SLCO6A1: variants seen among roughly 807,000 people sequenced by gnomAD.
SLCO6A1 encodes the protein cancer/testis antigen 48.
Under a neutral mutation model 72.7 loss-of-function variants are expected in SLCO6A1, and 65 were observed. The observed-to-expected ratio is 0.89, with a 90% confidence interval of 0.73 to 1.10. The LOEUF (loss-of-function observed/expected upper bound fraction) is 1.10, where lower values mean the gene tolerates loss of function less well. Among genes scored for constraint, SLCO6A1 ranks in the 50% least tolerant of loss-of-function variants. SLCO6A1 has a pLI of 0.00. For missense variants in SLCO6A1, 874 were observed against 872.6 expected, an observed-to-expected ratio of 1.00 and a Z score of -0.02; for synonymous variants, 314 against 298.2, an observed-to-expected ratio of 1.05 and a Z score of -0.55.
intron 1 of SLCO6A1, among the ~76,000 whole-genome samples, chr5:102,488,584 G>A (rs947698954): frequency 1.3e-5 from 2 of 152,184 alleles, no homozygotes; most frequent in African/African-American, 4.8e-5. Flanking sequence ...AGCATAAAGA[G>A]CTAACTAAGC....
At chr5:102,405,301 G>A (rs1430848119) in intron 9 of SLCO6A1, among the ~76,000 whole-genome samples, 3 of 151,800 alleles carry the variant, frequency 2.0e-5, no homozygotes, top group Admixed American at 6.6e-5. Context: ...CCCAAATTTG[G>A]TGAAAATATA....
At chr5:102,484,224 A>G (rs1484633221) in intron 1 of SLCO6A1, among the ~76,000 whole-genome samples, 4 of 152,316 alleles carry the variant, frequency 2.6e-5, no homozygotes, top group Non-Finnish European at 4.4e-5. Flanking sequence ...AGGCACAAAT[A>G]TCACTGTTTT....
At chr5:102,472,548 C>CCATGGTATATA (rs1254338591) in intron 4 of SLCO6A1, among the ~76,000 whole-genome samples, 2 of 152,034 alleles carry the variant, frequency 1.3e-5, no homozygotes, top group East Asian at 3.9e-4. Flanking sequence ...ATTGATGGTA[C>CCATGGTATATA]TAGTTCCCAA....
In SLCO6A1 at chr5:102,419,957, T is replaced by C. The variant is rs1365330091; in HGVS notation, c.1341A>G (p.Leu447=). Residue 447 remains leucine, a synonymous_variant, in exon 8 of 14, where the codon TTA becomes TTG. Transcript: ENST00000506729. ...QLLGGVIVST[L]EMSCKALMRF... is the part of the protein sequence containing the mutation. ...TCATAAGGGCTTTACAAGACATTTC[T>C]AATGTGGAAACAATGACACCTCCCA... 1.2e-6 allele frequency: 2 copies of C among 1,606,140 alleles called. No individual in the cohort carries two copies. The highest frequency in any genetic ancestry group is 2.3e-5 in the South Asian group (2 of 88,736).
intron 3 of SLCO6A1, among the ~76,000 whole-genome samples, chr5:102,476,089 T>C (rs955167496): frequency 6.6e-6 from 1 of 152,074 alleles, no homozygotes; most frequent in Non-Finnish European, 1.5e-5. Flanking sequence ...GATAAAAGAC[T>C]GCACATTGGG....
At chr5:102,438,466 TA>T (rs1749663727) in intron 7 of SLCO6A1, 150 bp downstream of exon 7, 2 of 542,422 alleles carry the variant, frequency 3.7e-6, no homozygotes, top group Admixed American at 8.5e-5. Flanking sequence ...ATATTGACAC[TA>T]TGATGGCAAA....
chr5:102,495,992 T>G (rs1300196974), intron 1 of SLCO6A1, among the ~76,000 whole-genome samples: 1 of 152,214 alleles, frequency 6.6e-6, no homozygotes, highest in Non-Finnish European at 1.5e-5. Context: ...TGTATAGAAT[T>G]TTGGCCCCAA....
chr5:102,468,763 C>A (rs758978151), intron 4 of SLCO6A1, among the ~76,000 whole-genome samples: 1 of 150,834 alleles, frequency 6.6e-6, no homozygotes, highest in Non-Finnish European at 1.5e-5. Flanking sequence ...GCAGATACTT[C>A]GTTTTCTTCT....
intron 5 of SLCO6A1, among the ~76,000 whole-genome samples, chr5:102,459,422 A>G (rs1444411139): frequency 1.3e-5 from 2 of 152,150 alleles, no homozygotes; most frequent in South Asian, 2.1e-4. Context: ...CTGTCTCAAA[A>G]CTAAATACAA....
At chr5:102,452,817 C>A (rs2112731159) in intron 6 of SLCO6A1, among the ~76,000 whole-genome samples, 1 of 152,212 alleles carries the variant, frequency 6.6e-6, no homozygotes, top group South Asian at 2.1e-4. Flanking sequence ...AGCTCCCAAT[C>A]AATAAGTCTT....
chr5:102,491,232 C>A (rs1168518958), intron 1 of SLCO6A1, among the ~76,000 whole-genome samples: 1 of 152,206 alleles, frequency 6.6e-6, no homozygotes, highest in African/African-American at 2.4e-5. Flanking sequence ...AAATCTTGAG[C>A]TAGATACAGA....
chr5:102,455,247 A>T (rs1353465148), intron 6 of SLCO6A1, among the ~76,000 whole-genome samples: 2 of 151,914 alleles, frequency 1.3e-5, no homozygotes, highest in African/African-American at 4.8e-5. Flanking sequence ...GGACAGAGGG[A>T]TAAAATTCTA....
At chr5:102,473,959 T>A (rs892156592) in intron 4 of SLCO6A1, among the ~76,000 whole-genome samples, 10 of 152,054 alleles carry the variant, frequency 6.6e-5, no homozygotes, top group Admixed American at 2.0e-4. Flanking sequence ...TTGAACATGA[T>A]AATTAATATT....
intron 10 of SLCO6A1, among the ~76,000 whole-genome samples, chr5:102,395,898 T>G (rs1747047987): frequency 6.6e-6 from 1 of 152,204 alleles, no homozygotes; most frequent in Non-Finnish European, 1.5e-5. Context: ...GTTTGTTTTT[T>G]TCTTGTAAAT....
intron 2 of SLCO6A1, 138 bp from the exon 3 acceptor site, chr5:102,477,999 G>A (rs1212965339): frequency 1.3e-6 from 1 of 790,586 alleles, no homozygotes. Flanking sequence ...CATTTACATT[G>A]AATGTAGTAG....
intron 7 of SLCO6A1, among the ~76,000 whole-genome samples, chr5:102,433,845 GT>G (rs1198785788): frequency 9.9e-5 from 15 of 152,172 alleles, no homozygotes; most frequent in South Asian, 6.2e-4. Context: ...AGCTAGTGAG[GT>G]TTTTTGAAGG....
intron 13 of SLCO6A1, among the ~76,000 whole-genome samples, chr5:102,372,522 C>T (rs1750680057): frequency 6.6e-6 from 1 of 151,634 alleles, no homozygotes; most frequent in South Asian, 2.1e-4. Context: ...TGCATTTTAG[C>T]TTAAAAAATC....
intron 1 of SLCO6A1, among the ~76,000 whole-genome samples, chr5:102,482,301 G>A (rs1419502964): frequency 2.0e-5 from 3 of 151,976 alleles, no homozygotes; most frequent in Admixed American, 1.3e-4. Context: ...ACACGCAAAT[G>A]TACATATGAC....
intron 1 of SLCO6A1, among the ~76,000 whole-genome samples, chr5:102,482,286 TATATACACGCAA>T (rs1191854880): frequency 6.6e-6 from 1 of 151,950 alleles, no homozygotes; most frequent in African/African-American, 2.4e-5. Context: ...TATATAAACA[TATATACACGCAA>T]ATGTACATAT....
Sources: gnomAD v4.1 joint callset for allele counts (sites outside exome capture counted in the v4.1 genomes callset) on GRCh38, gnomAD v4.1.1 for gene constraint, MANE v1.5 for transcripts, NCBI Gene and HGNC (gene_info 2026-07-23, HGNC 2026-07-21) for gene names.